CDH4: variants seen among roughly 807,000 people sequenced by gnomAD.
CDH4 encodes the protein cadherin-4.
A neutral mutation model predicts 86.0 loss-of-function variants in CDH4; 33 were observed. The ratio of observed to expected loss-of-function variants is 0.38; its 90% CI spans 0.29 to 0.51. CDH4 has a LOEUF of 0.51. CDH4 is among the 20% of genes least tolerant of loss of function. The pLI is 0.86. For missense variants in CDH4, 1,114 were observed against 1,307.4 expected (o/e 0.85, Z 2.28); for synonymous variants, 555 against 549.4 (o/e 1.01, Z -0.14).
chr20:61,753,697 A>T (rs550952813), intron 3 of CDH4, among the ~76,000 whole-genome samples: 2 of 152,326 alleles, frequency 1.3e-5, no homozygotes, highest in South Asian at 4.1e-4. Flanking sequence ...TTTGCAAAAA[A>T]AGAAACTGTT....
chr20:61,538,746 G>A (rs903316430), intron 2 of CDH4, among the ~76,000 whole-genome samples: 6 of 152,204 alleles, frequency 3.9e-5, no homozygotes, highest in African/African-American at 1.4e-4. Flanking sequence ...CCAGGCCTGG[G>A]TCACATCGTG....
At chr20:61,551,320 G>A (rs1653867891) in intron 2 of CDH4, among the ~76,000 whole-genome samples, 2 of 152,294 alleles carry the variant, frequency 1.3e-5, no homozygotes, top group Non-Finnish European at 1.5e-5. Flanking sequence ...ACTTGGTCTT[G>A]TTCTTTTATC....
At chr20:61,621,391 C>T (rs539639806) in intron 2 of CDH4, among the ~76,000 whole-genome samples, 1 of 152,314 alleles carries the variant, frequency 6.6e-6, no homozygotes, top group East Asian at 1.9e-4. Context: ...TGAAACATTT[C>T]AGTTAATTGC....
Position 61,252,547 on chromosome 20 carries a change from C to T in CDH4, c.34C>T (p.Leu12Phe), listed in dbSNP as rs2084067492. Residue 12 changes from leucine to phenylalanine, a missense_variant, in exon 1 of 16, where the codon CTC (leucine) becomes TTC (phenylalanine). Leu to Phe is a conservative substitution (Grantham distance 22). Around this residue, in one of 3 missense-constraint regions of CDH4, gnomAD observed 221 missense variants for 209.5 expected, o/e 1.05. Coordinates refer to ENST00000614565, the MANE Select transcript of CDH4 (RefSeq NM_001794.5). The surrounding 1 kb of genome is among the most constrained non-coding windows in gnomAD (Gnocchi z 4.4). ...GGGCGCCGGCGTGCTCCTTCTGCTG[C>T]TCTCGCTCTCCGGCGCGCTCCGGGT... ...TAGAGVLLLLLSLSGALRAHN... is the reference protein window; with the variant it reads ...TAGAGVLLLLFSLSGALRAHN... The T allele has an allele frequency of 8.3e-7, 1 of 1,203,408 alleles. No homozygotes were observed. Among genetic ancestry groups the T allele is most frequent in the African/African-American group, 1.6e-5 (1 of 63,176 alleles). The allele number at this position is 1,203,408 out of a possible 1,614,324, so 74.5% of individuals were successfully genotyped here.
At chr20:61,588,509 C>T (rs6121712) in intron 2 of CDH4, among the ~76,000 whole-genome samples, 4,035 of 152,314 alleles carry the variant, frequency 0.026, 71 homozygotes, top group Middle Eastern at 0.075. Context: ...CAGTTCCAGA[C>T]ACGAGTAGCC....
intron 2 of CDH4, among the ~76,000 whole-genome samples, chr20:61,400,588 G>A (rs62199087): frequency 0.059 from 9,055 of 152,248 alleles, 316 homozygotes; most frequent in African/African-American, 0.1. Context: ...ATATGGTCAC[G>A]CATGGATCCA....
At chr20:61,796,126 G>A (rs1162639467) in intron 4 of CDH4, among the ~76,000 whole-genome samples, 2 of 152,158 alleles carry the variant, frequency 1.3e-5, no homozygotes, top group Non-Finnish European at 2.9e-5. Flanking sequence ...CTCACCCTGT[G>A]GGGCCACTGG....
At chr20:61,712,449 T>TA (rs886866625) in intron 2 of CDH4, among the ~76,000 whole-genome samples, 1 of 152,084 alleles carries the variant, frequency 6.6e-6, no homozygotes, top group African/African-American at 2.4e-5. Context: ...GCCACTGCCC[T>TA]AGAGGGGAGA....
At chr20:61,668,547 G>A (rs988613590) in intron 2 of CDH4, among the ~76,000 whole-genome samples, 6 of 152,204 alleles carry the variant, frequency 3.9e-5, no homozygotes, top group African/African-American at 1.4e-4. Flanking sequence ...GTGCTGGGTT[G>A]TCCAGGCTGC....
chr20:61,699,220 C>T (rs2087746904), intron 2 of CDH4, among the ~76,000 whole-genome samples: 2 of 152,238 alleles, frequency 1.3e-5, no homozygotes, highest in African/African-American at 4.8e-5. Context: ...TCCTGTCCTT[C>T]GGTAAAGGTC....
At chr20:61,318,229 C>T (rs139318464) in intron 2 of CDH4, among the ~76,000 whole-genome samples, 30 of 152,264 alleles carry the variant, frequency 2.0e-4, no homozygotes, top group African/African-American at 5.5e-4. Flanking sequence ...TTTGCGTTGA[C>T]GACTCTCCCG....
intron 2 of CDH4, among the ~76,000 whole-genome samples, chr20:61,260,397 C>T (rs1265410466): frequency 6.6e-6 from 1 of 152,232 alleles, no homozygotes; most frequent in Non-Finnish European, 1.5e-5. Context: ...CCGGGACTAT[C>T]TGAACCCCCA....
chr20:61,483,858 G>A (rs2085581436), intron 2 of CDH4, among the ~76,000 whole-genome samples: 1 of 152,114 alleles, frequency 6.6e-6, no homozygotes, highest in Non-Finnish European at 1.5e-5. Flanking sequence ...TTTTGGAGGG[G>A]GGTGGTTATG....
intron 2 of CDH4, among the ~76,000 whole-genome samples, chr20:61,594,273 G>A (rs918401208): frequency 1.5e-5 from 2 of 137,450 alleles, no homozygotes; most frequent in Non-Finnish European, 3.2e-5. Flanking sequence ...GAAGAGGGAA[G>A]GGGGGCTGAG....
intron 4 of CDH4, among the ~76,000 whole-genome samples, chr20:61,789,851 T>G (rs1049472360): frequency 6.6e-6 from 1 of 152,202 alleles, no homozygotes; most frequent in African/African-American, 2.4e-5. Context: ...AGACTTTGTC[T>G]CTATAAATAA....
intron 2 of CDH4, among the ~76,000 whole-genome samples, chr20:61,349,703 A>G (rs11908477): frequency 0.61 from 92,026 of 152,082 alleles, 28,613 homozygotes; most frequent in African/African-American, 0.77. Context: ...CTTGTGTTAT[A>G]AAGAATCACA....
intron 2 of CDH4, among the ~76,000 whole-genome samples, chr20:61,311,269 T>G (rs2084444128): frequency 6.6e-6 from 1 of 152,102 alleles, no homozygotes; most frequent in South Asian, 2.1e-4. Context: ...AAGTTCTTGT[T>G]GAACAGAAAA....
intron 2 of CDH4, among the ~76,000 whole-genome samples, chr20:61,553,163 C>T (rs1298803800): frequency 6.6e-6 from 1 of 152,192 alleles, no homozygotes; most frequent in African/African-American, 2.4e-5. Flanking sequence ...AACATTATGC[C>T]AAGTGAATGA....
intron 4 of CDH4, among the ~76,000 whole-genome samples, chr20:61,834,269 C>G (rs868331517): frequency 3.1e-4 from 47 of 152,368 alleles, no homozygotes; most frequent in Middle Eastern, 3.4e-3. Context: ...CCCTTGCCCC[C>G]CCTCACTCAG....
Sources: gnomAD v4.1 joint callset for allele counts (sites outside exome capture counted in the v4.1 genomes callset) on GRCh38, gnomAD v4.1.1 for gene constraint, gnomAD v4.1.1 regional missense constraint, Gnocchi (gnomAD v3.1) non-coding constraint, MANE v1.5 for transcripts, NCBI Gene and HGNC (gene_info 2026-07-23, HGNC 2026-07-21) for gene names.